SRFBP1: variants seen among roughly 807,000 people sequenced by gnomAD.
The protein encoded by SRFBP1 is serum response factor binding protein 1, also known as serum response factor-binding protein 1.
A neutral mutation model predicts 45.5 loss-of-function variants in SRFBP1; 47 were observed. The ratio of observed to expected loss-of-function variants is 1.03; its 90% CI spans 0.82 to 1.32. The LOEUF is 1.32. SRFBP1 is among the 40% of genes most tolerant of loss of function. The pLI, the probability that SRFBP1 is intolerant of heterozygous loss-of-function variation, is 0.00. For missense variants in SRFBP1, 621 were observed against 484.6 expected (o/e 1.28, Z -2.64); for synonymous variants, 203 against 166.3 (o/e 1.22, Z -1.70).
At chr5:122,040,422 A>AAC (rs1206245324) in intron 2 of SRFBP1, among the ~76,000 whole-genome samples, 5 of 152,204 alleles carry the variant, frequency 3.3e-5, no homozygotes, top group African/African-American at 4.8e-5. Flanking sequence ...ACTTGTTTTG[A>AAC]AAGAAAGTCA....
chr5:122,005,916 T>G (rs1388920362), intron 4 of SRFBP1, among the ~76,000 whole-genome samples: 1 of 152,214 alleles, frequency 6.6e-6, no homozygotes, highest in African/African-American at 2.4e-5. Flanking sequence ...GATCTTCATA[T>G]TAAAGATACA....
chr5:121,965,944 G>A (rs576068442), intron 1 of SRFBP1, among the ~76,000 whole-genome samples: 40 of 152,184 alleles, frequency 2.6e-4, no homozygotes, highest in African/African-American at 9.1e-4. Context: ...TTCTCTTTGT[G>A]CAATTGTGAA....
At chr5:121,965,779 G>T (rs1189831469) in intron 1 of SRFBP1, among the ~76,000 whole-genome samples, 2 of 152,114 alleles carry the variant, frequency 1.3e-5, no homozygotes, top group Non-Finnish European at 2.9e-5. Flanking sequence ...ATTACTTTGG[G>T]CAGTATGGCT....
chr5:121,991,898 T>C, intron 3 of SRFBP1, among the ~76,000 whole-genome samples: 1 of 152,170 alleles, frequency 6.6e-6, no homozygotes, highest in East Asian at 1.9e-4. Context: ...ATAAATGGTA[T>C]AATACAAAAA....
intron 2 of SRFBP1, among the ~76,000 whole-genome samples, chr5:122,043,058 C>T (rs1288635435): frequency 6.6e-6 from 1 of 151,920 alleles, no homozygotes; most frequent in Non-Finnish European, 1.5e-5. Flanking sequence ...TCCTTGTCTC[C>T]ATCCTTCTTT....
At chr5:121,975,625 CAA>C (rs2112819627) in intron 3 of SRFBP1, among the ~76,000 whole-genome samples, 1 of 151,996 alleles carries the variant, frequency 6.6e-6, no homozygotes, top group South Asian at 2.1e-4. Flanking sequence ...AAAATTGTGC[CAA>C]ACTAAATTCA....
chr5:122,029,800 T>C (rs1753561531), downstream of SRFBP1, among the ~76,000 whole-genome samples: 1 of 152,216 alleles, frequency 6.6e-6, no homozygotes, highest in Admixed American at 6.5e-5. Flanking sequence ...CCTAGTTGTT[T>C]AATATAGAAG....
chr5:121,995,180 G>T (rs973232825), intron 4 of SRFBP1, among the ~76,000 whole-genome samples: 1 of 151,508 alleles, frequency 6.6e-6, no homozygotes, highest in African/African-American at 2.4e-5. Context: ...GACATCTACA[G>T]AACTCTCCAC....
intron 4 of SRFBP1, among the ~76,000 whole-genome samples, chr5:122,005,802 G>C (rs1230420257): frequency 1.3e-5 from 2 of 151,986 alleles, no homozygotes; most frequent in Admixed American, 1.3e-4. Context: ...TTTAAAAACT[G>C]TATACTTTTA....
At chr5:122,023,854 C>G (rs929252914) in intron 7 of SRFBP1, among the ~76,000 whole-genome samples, 1 of 152,176 alleles carries the variant, frequency 6.6e-6, no homozygotes, top group Admixed American at 6.6e-5. Flanking sequence ...GGCTAGTTAC[C>G]GTACTGAAAA....
At chr5:121,979,496 T>C (rs1052302393) in intron 3 of SRFBP1, among the ~76,000 whole-genome samples, 1 of 152,218 alleles carries the variant, frequency 6.6e-6, no homozygotes, top group African/African-American at 2.4e-5. Context: ...CTTAACATTT[T>C]GTTCATTTAT....
Position 122,001,654 on chromosome 5 carries a change from C to G in SRFBP1, c.270+6984C>G, listed in dbSNP as rs894745137. On this transcript the variant is annotated intron_variant, in intron 4 of 7. Coordinates refer to ENST00000339397, the MANE Select transcript of SRFBP1 (RefSeq NM_152546.3). Reference sequence around the variant, plus strand: ...TCGGCTCACTGCAAGCTCCGCTTCCCGGGTTCACGCCATTCTCCTGCCTCA... The same window carrying G: ...TCGGCTCACTGCAAGCTCCGCTTCCGGGGTTCACGCCATTCTCCTGCCTCA... Among the ~76,000 whole-genome samples, 12 of 150,374 alleles carry G rather than the reference C, an allele frequency of 8.0e-5. 1 individual carries two copies. The highest frequency in any genetic ancestry group is 7.9e-4 in the Admixed American group (12 of 15,118).
At chr5:121,986,808 A>G (rs1406724204) in intron 3 of SRFBP1, among the ~76,000 whole-genome samples, 1 of 152,132 alleles carries the variant, frequency 6.6e-6, no homozygotes, top group African/African-American at 2.4e-5. Flanking sequence ...CAAAACTTGG[A>G]TAGTTTTTGA....
intron 4 of SRFBP1, among the ~76,000 whole-genome samples, chr5:122,004,205 C>T (rs1211817577): frequency 6.6e-6 from 1 of 152,182 alleles, no homozygotes; most frequent in Non-Finnish European, 1.5e-5. Context: ...TAGACTCTTA[C>T]CAGATGTATG....
chr5:122,034,542 C>G (rs938104187), intron 2 of SRFBP1, among the ~76,000 whole-genome samples: 1 of 151,720 alleles, frequency 6.6e-6, no homozygotes, highest in Middle Eastern at 3.4e-3. Context: ...AGTTTTCCTA[C>G]TTTCCTTTTT....
chr5:122,002,878 T>C (rs1752899694), intron 4 of SRFBP1, among the ~76,000 whole-genome samples: 1 of 152,218 alleles, frequency 6.6e-6, no homozygotes, highest in African/African-American at 2.4e-5. Context: ...AAAAGCACTC[T>C]GATGCTACAT....
chr5:122,038,294 T>A (rs1485643074), intron 2 of SRFBP1, among the ~76,000 whole-genome samples: 1 of 152,070 alleles, frequency 6.6e-6, no homozygotes, highest in African/African-American at 2.4e-5. Context: ...GCCCAAAATA[T>A]AGGGTCTGGC....
intron 1 of SRFBP1, among the ~76,000 whole-genome samples, chr5:121,966,360 C>T (rs543422171): frequency 6.6e-6 from 1 of 152,058 alleles, no homozygotes; most frequent in Non-Finnish European, 1.5e-5. Flanking sequence ...ATTTTTGGTA[C>T]TTTGAAGAGA....
At chr5:122,017,161 G>C (rs891245495) in intron 4 of SRFBP1, among the ~76,000 whole-genome samples, 3 of 152,074 alleles carry the variant, frequency 2.0e-5, no homozygotes, top group Non-Finnish European at 2.9e-5. Flanking sequence ...CCCGGGAGGC[G>C]GAGGTTGCAG....
Sources: gnomAD v4.1 joint callset for allele counts (sites outside exome capture counted in the v4.1 genomes callset) on GRCh38, gnomAD v4.1.1 for gene constraint, MANE v1.5 for transcripts, NCBI Gene and HGNC (gene_info 2026-07-23, HGNC 2026-07-21) for gene names.